ZNF775: variants seen among roughly 807,000 people sequenced by gnomAD.
ZNF775 encodes zinc finger protein 775.
ZNF775 carries 1 observed loss-of-function variant against 2.4 expected under a neutral mutation model. The observed-to-expected ratio is 0.41, with a 90% CI of 0.15 to 1.94. ZNF775 has a LOEUF of 1.94. Among genes scored for constraint, ZNF775 ranks in the 30% most tolerant of loss-of-function variants. The pLI is 0.30. For missense variants in ZNF775, 823 were observed against 826.6 expected (o/e 1.00, Z 0.05); for synonymous variants, 381 against 373.3 (o/e 1.02, Z -0.24).
In ZNF775 at chr7:150,388,435, G is replaced by A; in HGVS notation, c.-36G>A. The A allele has an allele frequency of 6.4e-7, 1 of 1,551,694 alleles. No individual in the cohort carries two copies. Among genetic ancestry groups the A allele is most frequent in the Non-Finnish European group, 8.7e-7 (1 of 1,146,948 alleles). On this transcript the variant is annotated 5_prime_UTR_variant, in exon 2 of 3. Transcript: ENST00000329630. ...TCTTTCTGACAGATGGCAGGAAAGGGACACAGCCGGCGCTGATGCTGGGAG... is the reference window on the plus strand; with the variant it reads ...TCTTTCTGACAGATGGCAGGAAAGGAACACAGCCGGCGCTGATGCTGGGAG...
chr7:150,397,438 C>A lies in ZNF775; in HGVS notation c.957C>A (p.Ser319Arg). 1 of 1,595,550 alleles carries A rather than the reference C, an allele frequency of 6.3e-7. No individual in the cohort carries two copies. The highest frequency in any genetic ancestry group is 8.5e-7 in the Non-Finnish European group (1 of 1,174,974). ...GCCCCGAGTGCGGCCGCCGCTTCAG[C>A]CAGAAGCCCAACTTGACGCGGCACC... is the stretch of plus-strand genomic sequence containing the variant. ...YACPECGRRF[S>R]QKPNLTRHLR... Residue 319 changes from serine to arginine, a missense_variant, in exon 3 of 3, where the codon AGC becomes AGA. Transcript: ENST00000329630.
chr7:150,379,701 G>A (rs928072802), intron 1 of ZNF775, among the ~76,000 whole-genome samples: 14 of 152,148 alleles, frequency 9.2e-5, no homozygotes, highest in African/African-American at 3.4e-4. Flanking sequence ...GGGAGGACGC[G>A]GTGGCGAGTA....
Position 150,396,498 on chromosome 7 carries a change from G to T in ZNF775, c.32-15G>T, listed in dbSNP as rs1429569792. The T allele has an allele frequency of 8.3e-6, 13 of 1,572,396 alleles. No homozygotes were observed. The highest frequency in any genetic ancestry group is 2.0e-5 in the Admixed American group (1 of 50,460). ...GTGACCTCTCTCCCTCCTCTCTCCCGCTTGCCTCTGGCAGGAGCTGGGCTG... is the reference window on the plus strand; with the variant it reads ...GTGACCTCTCTCCCTCCTCTCTCCCTCTTGCCTCTGGCAGGAGCTGGGCTG... On this transcript the variant is annotated splice_polypyrimidine_tract_variant and intron_variant, in intron 2 of 2. Transcript: ENST00000329630.
chr7:150,396,555 G>A lies in ZNF775; in HGVS notation c.74G>A (p.Arg25Gln), dbSNP rs780861281. 7 of 1,604,400 alleles carry A rather than the reference G, an allele frequency of 4.4e-6. No individual in the cohort carries two copies. The highest frequency in any genetic ancestry group is 5.9e-6 in the Non-Finnish European group (7 of 1,177,398). The change falls in exon 3 of 3, where the codon CGG becomes CAG. Residue 25 changes from arginine (R) to glutamine (Q), a missense_variant. Arg to Gln is a conservative substitution (Grantham distance 43, BLOSUM62 1). Coordinates refer to ENST00000329630, the MANE Select transcript of ZNF775 (RefSeq NM_173680.4). ...AAGGTCAAGCAGGAGAAGCCGGAGC[G>A]GCTGCTGCAGACGCTGGCGCCGCAG... is the stretch of plus-strand genomic sequence containing the variant. ...VMKVKQEKPE[R>Q]LLQTLAPQAM...
At chr7:150,380,026 G>A (rs979928886) in intron 1 of ZNF775, 1 of 152,202 alleles carries the variant, frequency 6.6e-6, no homozygotes, top group African/African-American at 2.4e-5. Context: ...CATCCCCTCT[G>A]TGAAGAACGT....
chr7:150,382,227 T>C lies in ZNF775; in HGVS notation c.-50+2835T>C, dbSNP rs1003179780. Among the ~76,000 whole-genome samples, 5 of 152,034 alleles carry C rather than the reference T, an allele frequency of 3.3e-5. No homozygotes were observed. The highest frequency in any genetic ancestry group is 1.2e-4 in the African/African-American group (5 of 41,378). The stretch of plus-strand genomic sequence containing the variant: ...ATTCCCAACTGGCTGGAAGGAGTGA[T>C]GGCTTAGGAGGAGTGAGTGGCAGCG... On this transcript the variant is annotated intron_variant, in intron 1 of 2. Coordinates refer to ENST00000329630, the MANE Select transcript of ZNF775 (RefSeq NM_173680.4). The surrounding 1 kb of genome is among the most constrained non-coding windows in gnomAD (Gnocchi z 4.6).
rs746544872 is a variant in ZNF775 at position 150,396,549 on chromosome 7, C to T, written c.68C>T (p.Pro23Leu). Residue 23 changes from proline (P) to leucine (L), a missense_variant, in exon 3 of 3, where the codon CCG becomes CTG. Physicochemically the swap from Pro to Leu is moderately conservative, Grantham distance 98. Coordinates refer to ENST00000329630, the MANE Select transcript of ZNF775 (RefSeq NM_173680.4). ...GTGATGAAGGTCAAGCAGGAGAAGC[C>T]GGAGCGGCTGCTGCAGACGCTGGCG... is the stretch of plus-strand genomic sequence containing the variant. ...GLVMKVKQEK[P>L]ERLLQTLAPQ... The T allele has an allele frequency of 1.7e-5, 27 of 1,604,140 alleles. No individual in the cohort carries two copies. The highest frequency in any genetic ancestry group is 2.3e-5 in the Non-Finnish European group (27 of 1,177,110).
At position 150,398,280 on chromosome 7, in the gene ZNF775, G is replaced by C; in HGVS notation, c.*185G>C. On this transcript the variant is annotated 3_prime_UTR_variant, in exon 3 of 3. Coordinates refer to ENST00000329630, the MANE Select transcript of ZNF775 (RefSeq NM_173680.4). The stretch of plus-strand genomic sequence containing the variant: ...CCAAAGGGTGCTGGGAAAGGTCCCA[G>C]CGTGGGTTGAGGGAGGAGGGAAGAT... 9.6e-7 allele frequency: 1 copy of C among 1,037,784 alleles called. No individual in the cohort carries two copies. 64.3% of individuals were successfully genotyped at this position (1,037,784 alleles called of 1,614,324 possible).
rs1401525232 is a variant in ZNF775 at position 150,382,297 on chromosome 7, C to T, written c.-50+2905C>T. Among the ~76,000 whole-genome samples the T allele has an allele frequency of 1.3e-5, 2 of 152,148 alleles. No individual in the cohort carries two copies. The highest frequency in any genetic ancestry group is 2.1e-4 in the South Asian group (1 of 4,830). On this transcript the variant is annotated intron_variant, in intron 1 of 2. Coordinates refer to ENST00000329630, the MANE Select transcript of ZNF775 (RefSeq NM_173680.4). This position sits in a 1 kb window ranked among gnomAD's most constrained non-coding sequence, Gnocchi z 4.6. ...TTGTACAGATACTGCCCGATGCATCCGGCTCAGGCTTGCCGCCCTGTGGTG... is the reference window on the plus strand; with the variant it reads ...TTGTACAGATACTGCCCGATGCATCTGGCTCAGGCTTGCCGCCCTGTGGTG...
Position 150,398,216 on chromosome 7 carries a change from T to C in ZNF775, c.*121T>C, listed in dbSNP as rs1324945929. The C allele has an allele frequency of 4.2e-6, 6 of 1,426,046 alleles. No homozygotes were observed. The highest frequency in any genetic ancestry group is 5.6e-6 in the Non-Finnish European group (6 of 1,077,828). The allele number at this position is 1,426,046 out of a possible 1,614,324, so 88.3% of individuals were successfully genotyped here. On this transcript the variant is annotated 3_prime_UTR_variant, in exon 3 of 3. Transcript: ENST00000329630. Reference sequence around the variant, plus strand: ...CCTTAGAGCGGGACCGGTGGATTCCTTAAGGCTCTGAAGGGCTGAGAACAG... The same window carrying C: ...CCTTAGAGCGGGACCGGTGGATTCCCTAAGGCTCTGAAGGGCTGAGAACAG...
At chr7:150,386,171 G>A (rs1000786037) in intron 1 of ZNF775, among the ~76,000 whole-genome samples, 2 of 152,110 alleles carry the variant, frequency 1.3e-5, no homozygotes, top group African/African-American at 4.8e-5. Flanking sequence ...CCTGACCTCA[G>A]GTGATCTACC....
intron 1 of ZNF775, among the ~76,000 whole-genome samples, chr7:150,379,610 G>T (rs1320692581): frequency 6.6e-6 from 1 of 152,068 alleles, no homozygotes; most frequent in African/African-American, 2.4e-5. Flanking sequence ...CGACACAGCC[G>T]AGGGGAAAGG....
chr7:150,387,810 A>C (rs925204296), intron 1 of ZNF775, among the ~76,000 whole-genome samples: 3 of 52,260 alleles, frequency 5.7e-5, no homozygotes, highest in Non-Finnish European at 1.6e-4. Context: ...ACTCCATCTC[A>C]AAAAAAAAAG....
chr7:150,389,227 T>C (rs541955335), intron 2 of ZNF775, among the ~76,000 whole-genome samples: 30 of 152,274 alleles, frequency 2.0e-4, no homozygotes, highest in Admixed American at 3.3e-4. Flanking sequence ...TTTGGCACAG[T>C]GTGACTCGGG....
intron 2 of ZNF775, among the ~76,000 whole-genome samples, chr7:150,392,875 T>C (rs1402949155): frequency 6.6e-6 from 1 of 152,146 alleles, no homozygotes; most frequent in Non-Finnish European, 1.5e-5. Flanking sequence ...TACAGAAAAA[T>C]TGTGAAGAAA....
In ZNF775 at chr7:150,396,630, G is replaced by T. The variant is rs906034919; in HGVS notation, c.149G>T (p.Gly50Val). 3.7e-6 allele frequency: 6 copies of T among 1,610,984 alleles called. No individual in the cohort carries two copies. The highest frequency in any genetic ancestry group is 5.1e-6 in the Non-Finnish European group (6 of 1,179,466). Residue 50 changes from glycine to valine, a missense_variant, in exon 3 of 3, where the codon GGC (glycine) becomes GTC (valine). Transcript: ENST00000329630. ...DKENIFQQHR[G>V]LPPRQTMGRP... The stretch of plus-strand genomic sequence containing the variant: ...GAGAACATATTTCAGCAGCACCGGG[G>T]CCTCCCGCCACGCCAGACCATGGGG...
chr7:150,396,881 C>A lies in ZNF775; in HGVS notation c.400C>A (p.Pro134Thr). The A allele has an allele frequency of 6.2e-7, 1 of 1,602,942 alleles. No individual in the cohort carries two copies. Among genetic ancestry groups the A allele is most frequent in the Non-Finnish European group, 8.5e-7 (1 of 1,179,752 alleles). Residue 134 changes from proline to threonine, a missense_variant, in exon 3 of 3, where the codon CCG becomes ACG. Coordinates refer to ENST00000329630, the MANE Select transcript of ZNF775 (RefSeq NM_173680.4). ...IHQRTHTGEK[P>T]YLCGKCGKSF... ...CCAGCGCACCCACACCGGGGAGAAG[C>A]CGTACCTCTGCGGCAAGTGCGGCAA...
intron 2 of ZNF775, among the ~76,000 whole-genome samples, chr7:150,392,666 TG>T (rs1238149031): frequency 2.0e-5 from 3 of 151,874 alleles, no homozygotes; most frequent in Non-Finnish European, 2.9e-5. Flanking sequence ...CCAGAGTAGC[TG>T]GGACTACAGG....
At chr7:150,395,209 A>C (rs568312137) in intron 2 of ZNF775, among the ~76,000 whole-genome samples, 1 of 152,036 alleles carries the variant, frequency 6.6e-6, no homozygotes, top group Middle Eastern at 3.2e-3. Flanking sequence ...TTTCATATAG[A>C]TTTTCAAATT....
Sources: gnomAD v4.1 joint callset for allele counts (sites outside exome capture counted in the v4.1 genomes callset) on GRCh38, gnomAD v4.1.1 for gene constraint, Gnocchi (gnomAD v3.1) non-coding constraint, MANE v1.5 for transcripts, NCBI Gene and HGNC (gene_info 2026-07-23, HGNC 2026-07-21) for gene names.